The following CERKL variants were observed in gnomAD, a reference collection of about 807,000 sequenced individuals.
The protein encoded by CERKL is CERK like autophagy regulator, also known as ceramide kinase-like protein.
CERKL carries 61 observed loss-of-function variants against 63.4 expected under a neutral mutation model. The ratio of observed to expected loss-of-function variants is 0.96; its 90% CI spans 0.78 to 1.19. The LOEUF (loss-of-function observed/expected upper bound fraction) is 1.19. Among genes scored for constraint, CERKL ranks in the 50% most tolerant of loss-of-function variants. CERKL has a pLI of 0.00. For missense variants in CERKL, 675 were observed against 655.5 expected (o/e 1.03, Z -0.33); for synonymous variants, 250 against 230.5 (o/e 1.08, Z -0.77).
chr2:181,589,720 T>C (rs1684909711), intron 2 of CERKL, among the ~76,000 whole-genome samples: 1 of 152,150 alleles, frequency 6.6e-6, no homozygotes, highest in Non-Finnish European at 1.5e-5. Context: ...GAAGAAAACA[T>C]GGGTGAATTT....
intron 5 of CERKL, among the ~76,000 whole-genome samples, chr2:181,553,575 T>C (rs982847805): frequency 6.6e-6 from 1 of 152,220 alleles, no homozygotes; most frequent in Non-Finnish European, 1.5e-5. Context: ...ATGGTGGGTA[T>C]GCCCAAGTAC....
Position 181,657,049 on chromosome 2 carries a change from C to G in CERKL, c.-43G>C, listed in dbSNP as rs542559111. 2 of 1,528,056 alleles carry G rather than the reference C, an allele frequency of 1.3e-6. No individual in the cohort carries two copies. The highest frequency in any genetic ancestry group is 1.4e-5 in the African/African-American group (1 of 72,940). The allele number at this position is 1,528,056 out of a possible 1,614,324, so 94.7% of individuals were successfully genotyped here. On this transcript the variant is annotated 5_prime_UTR_variant, in exon 1 of 13. Coordinates refer to ENST00000410087, the MANE Select transcript of CERKL (RefSeq NM_201548.5). ...GGCCCGAGCCAGGGGTCCGGGGAGG[C>G]CTTTGGAGAAGGAGGTGGAGGGCGC... is the stretch of plus-strand genomic sequence containing the variant.
At chr2:181,564,447 A>C (rs924867797) in intron 4 of CERKL, among the ~76,000 whole-genome samples, 1 of 152,174 alleles carries the variant, frequency 6.6e-6, no homozygotes, top group Admixed American at 6.6e-5. Flanking sequence ...TAACTGAAAA[A>C]TCTATACATC....
intron 1 of CERKL, among the ~76,000 whole-genome samples, chr2:181,636,146 C>T (rs1687171089): frequency 6.6e-6 from 1 of 152,126 alleles, no homozygotes; most frequent in African/African-American, 2.4e-5. Flanking sequence ...TTTTGCTAGT[C>T]ACTAGCACAT....
intron 1 of CERKL, among the ~76,000 whole-genome samples, chr2:181,623,291 G>T (rs1263124917): frequency 2.0e-5 from 3 of 152,100 alleles, no homozygotes; most frequent in Non-Finnish European, 4.4e-5. Context: ...AATGTAACTT[G>T]AAGTTACAGG....
chr2:181,614,062 CTA>C (rs1382606964), intron 1 of CERKL, among the ~76,000 whole-genome samples: 2 of 152,140 alleles, frequency 1.3e-5, no homozygotes, highest in Admixed American at 1.3e-4. Flanking sequence ...TGGTGCTTTG[CTA>C]TGTCTTTGTA....
intron 2 of CERKL, among the ~76,000 whole-genome samples, chr2:181,583,355 G>A (rs1684620322): frequency 6.6e-6 from 1 of 152,044 alleles, no homozygotes; most frequent in Non-Finnish European, 1.5e-5. Flanking sequence ...ACAATAGAAG[G>A]ATCAGGCTGT....
In CERKL at chr2:181,538,127, C is replaced by CACATTTCTTTATATTAAAATTCTA. The variant is rs1687276065; in HGVS notation, c.*33_*56dup. On this transcript the variant is annotated 3_prime_UTR_variant, in exon 13 of 13. Coordinates refer to ENST00000410087, the MANE Select transcript of CERKL (RefSeq NM_201548.5). ...GGGGACCACAGGTTTAAAGCATGGC[C>CACATTTCTTTATATTAAAATTCTA]ACATTTCTTTATATTAAAATTCTAG... 2 of 1,204,648 alleles carry CACATTTCTTTATATTAAAATTCTA rather than the reference C, an allele frequency of 1.7e-6. No individual in the cohort carries two copies. Among genetic ancestry groups the CACATTTCTTTATATTAAAATTCTA allele is most frequent in the Non-Finnish European group, 2.5e-6 (2 of 814,744 alleles). The allele number at this position is 1,204,648 out of a possible 1,614,324, so 74.6% of individuals were successfully genotyped here.
At chr2:181,548,069 T>C (rs558639291) in intron 8 of CERKL, 3 of 607,228 alleles carry the variant, frequency 4.9e-6, no homozygotes, top group East Asian at 2.7e-5. Flanking sequence ...GGAATAATAA[T>C]GTACTATTTC....
intron 2 of CERKL, among the ~76,000 whole-genome samples, chr2:181,599,033 C>T (rs1685347171): frequency 6.6e-6 from 1 of 152,146 alleles, no homozygotes; most frequent in Non-Finnish European, 1.5e-5. Context: ...AGCAATGGAT[C>T]CTAACCAAGT....
rs36086391 is a variant in CERKL, at chr2:181,554,164, C to CAAAAAAAAAA, written c.820+4392_820+4401dup. 2.1e-5 allele frequency among the ~76,000 whole-genome samples: 2 copies of CAAAAAAAAAA among 94,282 alleles called. 1 individual carries two copies. The allele number at this position is 94,282 out of a possible 152,430, so 61.9% of individuals were successfully genotyped here. A position where few individuals can be genotyped will look rare whatever the true frequency, so the allele number is the denominator to read the frequency against. On this transcript the variant is annotated intron_variant, in intron 5 of 12. Transcript: ENST00000410087. ...AAATACCAGGGAGAAACTATGGAGG[C>CAAAAAAAAAA]AAAAAAAAAAAAAAAAAAAAAATGT... is the stretch of plus-strand genomic sequence containing the variant.
intron 3 of CERKL, among the ~76,000 whole-genome samples, chr2:181,567,284 A>G (rs1688706494): frequency 6.6e-6 from 1 of 152,192 alleles, no homozygotes; most frequent in Non-Finnish European, 1.5e-5. Context: ...TACAGCAAGT[A>G]CTTACAACCT....
chr2:181,577,795 G>T (rs940562438), intron 2 of CERKL, among the ~76,000 whole-genome samples: 8 of 152,056 alleles, frequency 5.3e-5, no homozygotes, highest in African/African-American at 1.7e-4. Flanking sequence ...AGGCAGTAGG[G>T]GGAAGGGGTC....
At chr2:181,589,949 A>C (rs998236065) in intron 2 of CERKL, among the ~76,000 whole-genome samples, 1 of 151,494 alleles carries the variant, frequency 6.6e-6, no homozygotes, top group Non-Finnish European at 1.5e-5. Flanking sequence ...AGTAACTGGG[A>C]CTACTGGTGC....
At chr2:181,544,581 A>G in intron 11 of CERKL, 119 bp downstream of exon 11, 1 of 633,144 alleles carries the variant, frequency 1.6e-6, no homozygotes, top group East Asian at 2.9e-5. Context: ...AAGAAGATTA[A>G]TATATTCAGA....
chr2:181,571,990 T>C (rs1574460682), intron 3 of CERKL, among the ~76,000 whole-genome samples: 2 of 152,156 alleles, frequency 1.3e-5, no homozygotes, highest in Non-Finnish European at 2.9e-5. Context: ...GCAGCTATTT[T>C]ATGATGATAG....
intron 2 of CERKL, among the ~76,000 whole-genome samples, chr2:181,591,141 A>T (rs950569678): frequency 1.3e-5 from 2 of 152,200 alleles, no homozygotes; most frequent in Non-Finnish European, 2.9e-5. Context: ...TTTAAAAGGA[A>T]AGTGGCAAAG....
chr2:181,623,386 C>T (rs752108270), intron 1 of CERKL, among the ~76,000 whole-genome samples: 2 of 152,190 alleles, frequency 1.3e-5, no homozygotes, highest in African/African-American at 4.8e-5. Flanking sequence ...TATGTCAGCA[C>T]ATGACTCATC....
chr2:181,555,067 A>G (rs1688146968), intron 5 of CERKL, among the ~76,000 whole-genome samples: 2 of 152,306 alleles, frequency 1.3e-5, no homozygotes, highest in South Asian at 2.1e-4. Flanking sequence ...CTTCAAAATT[A>G]TAATAGTGAT....
Sources: allele counts gnomAD v4.1 joint callset (sites outside exome capture counted in the v4.1 genomes callset), GRCh38; gene constraint gnomAD v4.1.1; transcripts MANE v1.5; gene names NCBI Gene and HGNC (gene_info 2026-07-23, HGNC 2026-07-21).